The following SLC17A8 variants were observed in gnomAD, a reference collection of about 807,000 sequenced individuals.
SLC17A8 encodes vesicular glutamate transporter 3.
In SLC17A8, 31 loss-of-function variants were observed where a neutral mutation model predicts 58.0. The ratio of observed to expected loss-of-function variants is 0.53; its 90% CI spans 0.40 to 0.72. SLC17A8 has a LOEUF of 0.72. Ranked by LOEUF, SLC17A8 falls within the 30% of genes least tolerant of loss-of-function variation. SLC17A8 has a pLI of 0.00. For synonymous variants in SLC17A8, 228 were observed against 249.0 expected (o/e 0.92, Z 0.79); for missense variants, 655 against 727.8 (o/e 0.90, Z 1.15).
intron 3 of SLC17A8, among the ~76,000 whole-genome samples, chr12:100,392,404 G>T (rs577037668): frequency 2.6e-5 from 4 of 152,172 alleles, no homozygotes; most frequent in Admixed American, 6.5e-5. Context: ...GTATGAGTAT[G>T]GACTGGGTTG....
chr12:100,364,951 A>G (rs1952510017), intron 1 of SLC17A8, among the ~76,000 whole-genome samples: 2 of 152,210 alleles, frequency 1.3e-5, no homozygotes, highest in South Asian at 4.1e-4. Flanking sequence ...CAAATTGACC[A>G]GCTCTGGACC....
intron 1 of SLC17A8, among the ~76,000 whole-genome samples, chr12:100,365,087 G>A (rs112214343): frequency 5.4e-4 from 82 of 152,302 alleles, no homozygotes; most frequent in African/African-American, 1.9e-3. Flanking sequence ...GTGTCCTGTG[G>A]CCCTGCTGGT....
At position 100,418,066 on chromosome 12, in the gene SLC17A8, T is replaced by C. The variant is rs1450342644; in HGVS notation, c.1335T>C (p.Tyr445=). 3 of 1,614,230 alleles carry C rather than the reference T, an allele frequency of 1.9e-6. No homozygotes were observed. The highest frequency in any genetic ancestry group is 2.5e-6 in the Non-Finnish European group (3 of 1,180,040). The change falls in exon 11 of 12, where the codon TAT becomes TAC. Residue 445 remains tyrosine (Y), a synonymous_variant. Transcript: ENST00000323346. ...ACCACCTGGACATTGCCCCACGCTA[T>C]GCCAGCATTCTCATGGGGATCTCAA... ...NVNHLDIAPR[Y]ASILMGISNG... is the part of the protein sequence containing the mutation.
At chr12:100,413,312 A>C (rs1470488779) in intron 10 of SLC17A8, among the ~76,000 whole-genome samples, 1 of 151,974 alleles carries the variant, frequency 6.6e-6, no homozygotes, top group Non-Finnish European at 1.5e-5. Flanking sequence ...AAGAGTGAAA[A>C]CCTTCTTTAG....
intron 1 of SLC17A8, among the ~76,000 whole-genome samples, chr12:100,375,579 G>A (rs1158323761): frequency 6.6e-6 from 1 of 152,180 alleles, no homozygotes; most frequent in African/African-American, 2.4e-5. Flanking sequence ...CAAATGGGTG[G>A]TTGATTCAGA....
intron 1 of SLC17A8, among the ~76,000 whole-genome samples, chr12:100,361,621 G>A (rs1262999675): frequency 2.0e-5 from 3 of 152,160 alleles, no homozygotes; most frequent in Non-Finnish European, 4.4e-5. Flanking sequence ...CCTAGAATGT[G>A]ATTTAATGAG....
chr12:100,416,143 A>T (rs1342594381), intron 10 of SLC17A8, among the ~76,000 whole-genome samples: 2 of 152,196 alleles, frequency 1.3e-5, no homozygotes, highest in African/African-American at 4.8e-5. Flanking sequence ...CTGCTATAAA[A>T]ATCTATCAAT....
intron 1 of SLC17A8, among the ~76,000 whole-genome samples, chr12:100,363,556 G>T (rs1952498567): frequency 6.6e-6 from 1 of 152,010 alleles, no homozygotes; most frequent in Non-Finnish European, 1.5e-5. Context: ...AGTAGAGATG[G>T]GGTTTCGGTA....
chr12:100,420,938 T>A lies in SLC17A8; in HGVS notation c.*779T>A, dbSNP rs889621274. 1.1e-4 allele frequency: 17 copies of A among 152,206 alleles called. No individual in the cohort carries two copies. The highest frequency in any genetic ancestry group is 4.1e-4 in the African/African-American group (17 of 41,452). The allele number at this position is 152,206 out of a possible 1,614,324, so 9.4% of individuals were successfully genotyped here. A position where few individuals can be genotyped will look rare whatever the true frequency, so the allele number is the denominator to read the frequency against. ...CAAAGACCCTCAGTGTTCTATGTTA[T>A]CTGAAGAGTCAAATGGTTTTGTGAC... On this transcript the variant is annotated 3_prime_UTR_variant, in exon 12 of 12. Transcript: ENST00000323346.
At chr12:100,376,321 T>G (rs1008957295) in intron 1 of SLC17A8, among the ~76,000 whole-genome samples, 9 of 152,206 alleles carry the variant, frequency 5.9e-5, no homozygotes, top group Non-Finnish European at 1.5e-5. Context: ...GAGATAGCAC[T>G]GGGCATCTCT....
intron 1 of SLC17A8, among the ~76,000 whole-genome samples, chr12:100,370,400 C>A (rs567523939): frequency 3.9e-5 from 6 of 152,002 alleles, no homozygotes; most frequent in African/African-American, 1.5e-4. Flanking sequence ...TGGGTTCAGG[C>A]GATTCTCCTG....
intron 1 of SLC17A8, among the ~76,000 whole-genome samples, chr12:100,380,068 G>A (rs1351799538): frequency 6.6e-6 from 1 of 151,988 alleles, no homozygotes; most frequent in African/African-American, 2.4e-5. Flanking sequence ...GCATGGTGGT[G>A]CAGACCTGTA....
intron 1 of SLC17A8, among the ~76,000 whole-genome samples, chr12:100,376,532 C>T (rs1039379986): frequency 1.3e-5 from 2 of 152,196 alleles, no homozygotes; most frequent in African/African-American, 4.8e-5. Context: ...TGCCTCTACC[C>T]ACTAAGGGCT....
chr12:100,404,502 GCACACACACACACACACA>G (rs4015906), intron 9 of SLC17A8: 2 of 232,902 alleles, frequency 8.6e-6, no homozygotes, highest in Non-Finnish European at 8.7e-6. Flanking sequence ...TGGGATATAT[GCACACACACACACACACA>G]CACACACACA....
At chr12:100,382,467 G>T (rs960484016) in intron 2 of SLC17A8, among the ~76,000 whole-genome samples, 2 of 152,216 alleles carry the variant, frequency 1.3e-5, no homozygotes, top group East Asian at 3.8e-4. Context: ...TGTCTGCCCA[G>T]TGGACACCCC....
At chr12:100,379,158 CGG>C (rs1952614445) in intron 1 of SLC17A8, among the ~76,000 whole-genome samples, 1 of 150,748 alleles carries the variant, frequency 6.6e-6, no homozygotes, top group South Asian at 2.1e-4. Flanking sequence ...GCCAAGGTGC[CGG>C]GGGCGGTGGC....
Position 100,357,234 on chromosome 12 carries a change from G to A in SLC17A8, c.-158G>A. The A allele has an allele frequency of 3.0e-6, 2 of 676,442 alleles. No individual in the cohort carries two copies. Among genetic ancestry groups the A allele is most frequent in the South Asian group, 1.5e-5 (1 of 64,854 alleles). 41.9% of individuals were successfully genotyped at this position (676,442 alleles called of 1,614,324 possible). On this transcript the variant is annotated 5_prime_UTR_variant, in exon 1 of 12. Coordinates refer to ENST00000323346, the MANE Select transcript of SLC17A8 (RefSeq NM_139319.3). ...TGTCTTATCTTGGAAGATCCGAGCTGGGTTTCATCTCCTTTTTGATTTTGA... is the reference window on the plus strand; with the variant it reads ...TGTCTTATCTTGGAAGATCCGAGCTAGGTTTCATCTCCTTTTTGATTTTGA...
chr12:100,357,366 C>T lies in SLC17A8; in HGVS notation c.-26C>T, dbSNP rs1199974799. The stretch of plus-strand genomic sequence containing the variant: ...GACAGTTTTTGAGACTGACTGTTAA[C>T]GGCTCAGAGGTGCCCCTCATTCAAA... On this transcript the variant is annotated 5_prime_UTR_variant, in exon 1 of 12. The change creates a new upstream start codon in the 5' untranslated region. Coordinates refer to ENST00000323346, the MANE Select transcript of SLC17A8 (RefSeq NM_139319.3). 1.0e-5 allele frequency: 13 copies of T among 1,268,882 alleles called. No homozygotes were observed. Among genetic ancestry groups the T allele is most frequent in the Non-Finnish European group, 1.5e-5 (13 of 864,944 alleles). The allele number at this position is 1,268,882 out of a possible 1,614,324, so 78.6% of individuals were successfully genotyped here.
intron 2 of SLC17A8, 100 bp from the exon 3 acceptor site, chr12:100,390,901 G>T (rs954058557): frequency 6.1e-6 from 5 of 822,948 alleles, no homozygotes; most frequent in South Asian, 5.4e-5. Context: ...AATGAAAAAA[G>T]AAAGACCTCA....
Sources: gnomAD v4.1 joint callset for allele counts (sites outside exome capture counted in the v4.1 genomes callset) on GRCh38, gnomAD v4.1.1 for gene constraint, MANE v1.5 for transcripts, NCBI Gene and HGNC (gene_info 2026-07-23, HGNC 2026-07-21) for gene names.